The following CACNA2D3 variants were observed in gnomAD, a reference collection of about 807,000 sequenced individuals.
CACNA2D3 encodes voltage-dependent calcium channel subunit alpha-2/delta-3.
A neutral mutation model predicts 160.6 loss-of-function variants in CACNA2D3; 60 were observed. The ratio of observed to expected loss-of-function variants is 0.37; its 90% CI spans 0.30 to 0.46. The LOEUF is 0.46. Ranked by LOEUF, CACNA2D3 falls within the 20% of genes least tolerant of loss-of-function variation. The pLI, the probability that CACNA2D3 is intolerant of heterozygous loss-of-function variation, is 1.00. For synonymous variants in CACNA2D3, 558 were observed against 492.9 expected (o/e 1.13, Z -1.75); for missense variants, 1,205 against 1,365.0 (o/e 0.88, Z 1.85).
intron 4 of CACNA2D3, among the ~76,000 whole-genome samples, chr3:54,407,586 T>C (rs1699599405): frequency 6.6e-6 from 1 of 151,996 alleles, no homozygotes; most frequent in African/African-American, 2.4e-5. Flanking sequence ...TCTCAGTTGT[T>C]ACACACACAC....
At chr3:54,186,479 G>T (rs1330479547) in intron 2 of CACNA2D3, among the ~76,000 whole-genome samples, 1 of 152,040 alleles carries the variant, frequency 6.6e-6, no homozygotes, top group Non-Finnish European at 1.5e-5. Context: ...GATAATTTAG[G>T]GGGCATTGGG....
At chr3:54,287,859 A>G (rs1244932624) in intron 2 of CACNA2D3, among the ~76,000 whole-genome samples, 1 of 150,124 alleles carries the variant, frequency 6.7e-6, no homozygotes, top group Non-Finnish European at 1.5e-5. Flanking sequence ...GCAGAAATAA[A>G]GATGTTCTTT....
chr3:54,944,396 G>GTATTTATT (rs542683931), intron 27 of CACNA2D3, among the ~76,000 whole-genome samples: 2,875 of 148,626 alleles, frequency 0.019, 58 homozygotes, highest in African/African-American at 0.037. Flanking sequence ...ATTTCCCAGG[G>GTATTTATT]TATTTATTTA....
chr3:55,041,304 G>C (rs1703954709), intron 35 of CACNA2D3, among the ~76,000 whole-genome samples: 1 of 152,062 alleles, frequency 6.6e-6, no homozygotes, highest in Non-Finnish European at 1.5e-5. Context: ...TGGGTGAAAG[G>C]GTAAACACAT....
At chr3:54,738,377 G>A (rs1410465189) in intron 11 of CACNA2D3, among the ~76,000 whole-genome samples, 1 of 152,202 alleles carries the variant, frequency 6.6e-6, no homozygotes, top group African/African-American at 2.4e-5. Flanking sequence ...ACTTCCTGCA[G>A]TCATAAGAGC....
intron 2 of CACNA2D3, among the ~76,000 whole-genome samples, chr3:54,304,163 C>T (rs530691710): frequency 1.1e-4 from 17 of 152,144 alleles, no homozygotes; most frequent in Non-Finnish European, 2.4e-4. Context: ...TTTCTTCCCC[C>T]GAGTTGTGAA....
intron 5 of CACNA2D3, among the ~76,000 whole-genome samples, chr3:54,524,906 T>C (rs186748104): frequency 2.7e-3 from 411 of 152,232 alleles, no homozygotes; most frequent in African/African-American, 9.5e-3. Context: ...GTGTTTCTCT[T>C]ATAGATAACA....
rs1313177540 is a variant in CACNA2D3, at chr3:54,738,973, C to A, written c.1168-13626C>A. On this transcript the variant is annotated intron_variant, in intron 11 of 37. Transcript: ENST00000474759. ...CAGCCTAGGCAATATGGCAAGACCT[C>A]ATCACCACAAAACATACAAAAATTA... 2.0e-5 allele frequency among the ~76,000 whole-genome samples: 3 copies of A among 152,108 alleles called. No individual in the cohort carries two copies. In the South Asian group the frequency reaches 6.2e-4, roughly 32 times the overall value.
chr3:54,792,273 A>G (rs900797557), intron 13 of CACNA2D3, among the ~76,000 whole-genome samples: 2 of 152,160 alleles, frequency 1.3e-5, no homozygotes, highest in Admixed American at 1.3e-4. Context: ...AATTGGGATC[A>G]GGGAGCCCTC....
At chr3:54,756,243 TTTCA>T (rs1451178069) in intron 12 of CACNA2D3, among the ~76,000 whole-genome samples, 1 of 152,170 alleles carries the variant, frequency 6.6e-6, no homozygotes, top group Admixed American at 6.5e-5. Context: ...TTCTTGATCG[TTTCA>T]TCTTCCTCAT....
At chr3:55,036,215 G>C (rs566757125) in intron 35 of CACNA2D3, among the ~76,000 whole-genome samples, 25 of 152,202 alleles carry the variant, frequency 1.6e-4, no homozygotes, top group African/African-American at 5.8e-4. Context: ...GGGAGGCCAG[G>C]GTGGGTAGAT....
At position 54,832,100 on chromosome 3, in the gene CACNA2D3, G is replaced by A. The variant is rs149004976; in HGVS notation, c.1399-5059G>A. On this transcript the variant is annotated intron_variant, in intron 14 of 37. Coordinates refer to ENST00000474759, the MANE Select transcript of CACNA2D3 (RefSeq NM_018398.3). ...TGAGTTTATTTTATTCAGTCTCATC[G>A]CCTCTCTGTGGCAAGGGGACACGGC... 7.4e-4 allele frequency among the ~76,000 whole-genome samples: 108 copies of A among 146,742 alleles called. 1 individual carries two copies. In the East Asian group the frequency reaches 0.019, roughly 26 times the overall value.
intron 14 of CACNA2D3, among the ~76,000 whole-genome samples, chr3:54,821,103 C>CA (rs1287941631): frequency 6.6e-6 from 1 of 152,192 alleles, no homozygotes; most frequent in African/African-American, 2.4e-5. Context: ...TGCATCCACA[C>CA]AACTTTGGAA....
chr3:54,718,179 C>T (rs1354778118), intron 11 of CACNA2D3, among the ~76,000 whole-genome samples: 7 of 151,962 alleles, frequency 4.6e-5, no homozygotes, highest in Non-Finnish European at 8.8e-5. Context: ...CTTCTCCCAC[C>T]CTGTAGTTTG....
intron 11 of CACNA2D3, among the ~76,000 whole-genome samples, chr3:54,655,654 T>A (rs1699863894): frequency 6.6e-6 from 1 of 152,204 alleles, no homozygotes; most frequent in Non-Finnish European, 1.5e-5. Flanking sequence ...CATTATCCAT[T>A]TTACCTGAAC....
At chr3:54,665,052 G>A (rs575139137) in intron 11 of CACNA2D3, among the ~76,000 whole-genome samples, 3 of 152,278 alleles carry the variant, frequency 2.0e-5, no homozygotes, top group Admixed American at 2.0e-4. Context: ...TAGGACAATG[G>A]GGACATCTAA....
intron 9 of CACNA2D3, among the ~76,000 whole-genome samples, chr3:54,619,720 G>A (rs1490135300): frequency 6.6e-6 from 1 of 152,124 alleles, no homozygotes; most frequent in African/African-American, 2.4e-5. Flanking sequence ...CTTCCCACGG[G>A]AATTAAATGA....
rs1467312255 is a variant in CACNA2D3 at position 54,562,783 on chromosome 3, C to CTCTT, written c.545-11_545-8dup. The CTCTT allele has an allele frequency of 1.5e-5, 24 of 1,608,024 alleles. No individual in the cohort carries two copies. The highest frequency in any genetic ancestry group is 2.0e-5 in the Non-Finnish European group (23 of 1,175,810). The stretch of plus-strand genomic sequence containing the variant: ...TGGTTTCTAATACACCCCTCTCTCT[C>CTCTT]TCTTTCTTTTTTACAGACCCTGCAA... On this transcript the variant is annotated splice_polypyrimidine_tract_variant and intron_variant, in intron 5 of 37. Transcript: ENST00000474759.
intron 2 of CACNA2D3, among the ~76,000 whole-genome samples, chr3:54,232,218 C>CA (rs1701784099): frequency 6.6e-6 from 1 of 152,176 alleles, no homozygotes; most frequent in African/African-American, 2.4e-5. Flanking sequence ...CTGTTGCTGG[C>CA]TTTATGCTCT....
Sources: gnomAD v4.1 joint callset for allele counts (sites outside exome capture counted in the v4.1 genomes callset) on GRCh38, gnomAD v4.1.1 for gene constraint, MANE v1.5 for transcripts, NCBI Gene and HGNC (gene_info 2026-07-23, HGNC 2026-07-21) for gene names.